AEBP2: variants seen among roughly 807,000 people sequenced by gnomAD.
AEBP2 encodes the protein AE binding protein 2.
Under a neutral mutation model 50.8 loss-of-function variants are expected in AEBP2, and 10 were observed. That is an observed-to-expected ratio of 0.20 (90% CI 0.12 to 0.33). AEBP2 has a LOEUF of 0.33. Ranked by LOEUF, AEBP2 falls within the 10% of genes least tolerant of loss-of-function variation. AEBP2 has a pLI of 1.00. For synonymous variants in AEBP2, 296 were observed against 261.3 expected (o/e 1.13, Z -1.28); for missense variants, 570 against 688.0 (o/e 0.83, Z 1.92).
intron 7 of AEBP2, among the ~76,000 whole-genome samples, chr12:19,516,154 G>A (rs1207190494): frequency 6.6e-6 from 1 of 152,140 alleles, no homozygotes; most frequent in Non-Finnish European, 1.5e-5. Context: ...CTTATTCTTT[G>A]TGGAATGAAC....
intron 1 of AEBP2, among the ~76,000 whole-genome samples, chr12:19,446,789 T>TG (rs1948077290): frequency 6.7e-6 from 1 of 150,298 alleles, no homozygotes; most frequent in East Asian, 2.0e-4. Context: ...TAGCCAGATG[T>TG]GGTGTCACAT....
At chr12:19,479,934 C>T (rs376060997) in intron 3 of AEBP2, among the ~76,000 whole-genome samples, 1 of 151,876 alleles carries the variant, frequency 6.6e-6, no homozygotes, top group African/African-American at 2.4e-5. Flanking sequence ...TCCATTTTCC[C>T]ATTCCATACC....
chr12:19,509,022 A>G, intron 5 of AEBP2: 1 of 571,862 alleles, frequency 1.7e-6, no homozygotes, highest in Non-Finnish European at 3.4e-6. Context: ...AACGTTGGGA[A>G]AGCACCAAAA....
At chr12:19,445,422 C>A (rs1476783493) in intron 1 of AEBP2, among the ~76,000 whole-genome samples, 2 of 150,688 alleles carry the variant, frequency 1.3e-5, no homozygotes, top group Non-Finnish European at 2.9e-5. Context: ...CCATGTTGGC[C>A]AGGCTGGTCT....
intron 1 of AEBP2, chr12:19,413,497 A>C: frequency 1.2e-6 from 1 of 860,758 alleles, no homozygotes; most frequent in East Asian, 2.4e-5. Context: ...TAACAGAACA[A>C]TTCTAGGACA....
At chr12:19,516,996 A>G (rs764810702) in intron 7 of AEBP2, among the ~76,000 whole-genome samples, 1 of 152,306 alleles carries the variant, frequency 6.6e-6, no homozygotes, top group East Asian at 1.9e-4. Context: ...CCTACACTCC[A>G]GCCTCAGCTA....
At position 19,497,326 on chromosome 12, in the gene AEBP2, G is replaced by GTT. The variant is rs1491166710; in HGVS notation, c.1175-2770_1175-2769insTT. Among the ~76,000 whole-genome samples, 121 of 60,192 alleles carry GTT rather than the reference G, an allele frequency of 2.0e-3. 1 individual carries two copies. Among genetic ancestry groups the GTT allele is most frequent in the African/African-American group, 0.01 (111 of 11,068 alleles). 39.5% of individuals were successfully genotyped at this position (60,192 alleles called of 152,430 possible). A position where few individuals can be genotyped will look rare whatever the true frequency, so the allele number is the denominator to read the frequency against. ...GTTTCTATTTTTGTGGTTTCCAAAG[G>GTT]TGTTTTTTTTTTTTTTTTTTTTTTT... On this transcript the variant is annotated intron_variant, in intron 4 of 7. Coordinates refer to ENST00000266508, the MANE Select transcript of AEBP2 (RefSeq NM_153207.5).
At chr12:19,444,205 A>G (rs571543077) in intron 1 of AEBP2, among the ~76,000 whole-genome samples, 1 of 152,246 alleles carries the variant, frequency 6.6e-6, no homozygotes, top group Non-Finnish European at 1.5e-5. Context: ...CTTCCAACAC[A>G]GTATCATGTA....
intron 1 of AEBP2, chr12:19,456,261 GC>G (rs965127790): frequency 2.2e-5 from 33 of 1,527,270 alleles, no homozygotes; most frequent in African/African-American, 2.7e-5. Flanking sequence ...AGCCTTTTGA[GC>G]TTTCTGGGCA....
intron 1 of AEBP2, among the ~76,000 whole-genome samples, chr12:19,427,527 G>A (rs1437551760): frequency 1.3e-5 from 2 of 151,996 alleles, no homozygotes; most frequent in Non-Finnish European, 2.9e-5. Flanking sequence ...CTTTGAACTT[G>A]GTCTGAATTA....
In AEBP2 at chr12:19,518,155, C is replaced by T. The variant is rs779995362; in HGVS notation, c.*38C>T. On this transcript the variant is annotated 3_prime_UTR_variant, in exon 8 of 8. Transcript: ENST00000266508. The stretch of plus-strand genomic sequence containing the variant: ...TACATAAAAAGCAAACAAGCGGGGA[C>T]ACCTGCAGTCTTAGTCACTGACAAT... 8.9e-6 allele frequency: 14 copies of T among 1,565,616 alleles called. No homozygotes were observed. The African/African-American group carries it at 1.8e-4, about 20-fold the overall frequency.
intron 3 of AEBP2, among the ~76,000 whole-genome samples, chr12:19,477,551 A>G (rs1285266093): frequency 1.3e-5 from 2 of 152,080 alleles, no homozygotes; most frequent in Non-Finnish European, 2.9e-5. Context: ...TTGAGATCAC[A>G]TGATTTTCAG....
At chr12:19,430,183 C>T (rs1410338439) in intron 1 of AEBP2, among the ~76,000 whole-genome samples, 3 of 152,150 alleles carry the variant, frequency 2.0e-5, no homozygotes, top group Non-Finnish European at 2.9e-5. Context: ...CCAGTTTCAG[C>T]TTTCTACATA....
intron 1 of AEBP2, among the ~76,000 whole-genome samples, chr12:19,461,789 G>T (rs1948383654): frequency 6.6e-6 from 1 of 152,138 alleles, no homozygotes; most frequent in South Asian, 2.1e-4. Flanking sequence ...GGAATTACAG[G>T]AGTGAGCCAC....
intron 5 of AEBP2, among the ~76,000 whole-genome samples, chr12:19,506,997 C>T (rs572432891): frequency 6.6e-6 from 1 of 152,000 alleles, no homozygotes; most frequent in Non-Finnish European, 1.5e-5. Context: ...ATTTAGAGGC[C>T]TATAGGGCAT....
rs1458000077 is a variant in AEBP2, at chr12:19,520,298, A to T, written c.*2181A>T. 6.6e-6 allele frequency: 1 copy of T among 152,324 alleles called. No individual in the cohort carries two copies. Among genetic ancestry groups the T allele is most frequent in the Non-Finnish European group, 1.5e-5 (1 of 68,004 alleles). The allele number at this position is 152,324 out of a possible 1,614,324, so 9.4% of individuals were successfully genotyped here. A position where few individuals can be genotyped will look rare whatever the true frequency, so the allele number is the denominator to read the frequency against. ...AAAAGATACATCTGATATTTTCTAT[A>T]TAGAGCACAGTAAATAAGTTTTTTC... On this transcript the variant is annotated 3_prime_UTR_variant, in exon 8 of 8. Coordinates refer to ENST00000266508, the MANE Select transcript of AEBP2 (RefSeq NM_153207.5).
chr12:19,417,661 G>A lies in AEBP2; in HGVS notation c.-17+13445G>A, dbSNP rs1032364072. On this transcript the variant is annotated intron_variant, in intron 1 of 3. Transcript: ENST00000538425. ...GGCCTCAAGTGATCCTCTTGCCTCA[G>A]CCTCCCAAAGTGCTGGGATAACAGG... Among the ~76,000 whole-genome samples, 9 of 150,932 alleles carry A rather than the reference G, an allele frequency of 6.0e-5. No homozygotes were observed. The East Asian group carries it at 1.8e-3, about 30-fold the overall frequency.
chr12:19,473,011 A>T (rs1948593574), intron 2 of AEBP2, among the ~76,000 whole-genome samples: 1 of 151,982 alleles, frequency 6.6e-6, no homozygotes, highest in Non-Finnish European at 1.5e-5. Context: ...TTTCCTTCTG[A>T]ATGGTATTCT....
intron 1 of AEBP2, 161 bp downstream of exon 1, chr12:19,440,531 G>C: frequency 1.5e-6 from 2 of 1,360,356 alleles, no homozygotes; most frequent in South Asian, 1.9e-5. Flanking sequence ...TCGCCGCCGC[G>C]CCCCTCTCGC....
Sources: allele counts gnomAD v4.1 joint callset (sites outside exome capture counted in the v4.1 genomes callset), GRCh38; gene constraint gnomAD v4.1.1; transcripts MANE v1.5; gene names NCBI Gene and HGNC (gene_info 2026-07-23, HGNC 2026-07-21).